Variants in WWOX observed in about 807,000 individuals in gnomAD.
WWOX encodes WW domain-containing oxidoreductase.
WWOX carries 69 observed loss-of-function variants against 46.2 expected under a neutral mutation model. That is an observed-to-expected ratio of 1.49 (90% CI 1.23 to 1.82). WWOX has a LOEUF of 1.82. Among genes scored for constraint, WWOX ranks in the 40% most tolerant of loss-of-function variants. WWOX has a pLI of 0.00. For synonymous variants in WWOX, 359 were observed against 202.6 expected (o/e 1.77, Z -6.56); for missense variants, 919 against 542.6 (o/e 1.69, Z -6.89).
rs369090114 is a variant in WWOX, at chr16:78,417,772, T to C, written c.606-7098T>C. On this transcript the variant is annotated intron_variant, in intron 6 of 8. Coordinates refer to ENST00000566780, the MANE Select transcript of WWOX (RefSeq NM_016373.4). ...GCTTCAAAGGATTTCTGCCTATCTC[T>C]TCACAGAGTAGCTGGGCTATTGAGG... Among the ~76,000 whole-genome samples the C allele has an allele frequency of 3.7e-4, 56 of 152,302 alleles. No homozygotes were observed. The South Asian group carries it at 0.011, about 29-fold the overall frequency.
intron 8 of WWOX, among the ~76,000 whole-genome samples, chr16:78,941,950 A>G (rs1461821417): frequency 6.6e-6 from 1 of 152,124 alleles, no homozygotes; most frequent in Non-Finnish European, 1.5e-5. Flanking sequence ...ATTGTGCTGT[A>G]TTCCGTAGGA....
intron 8 of WWOX, among the ~76,000 whole-genome samples, chr16:79,177,847 G>T (rs1331137819): frequency 6.6e-6 from 1 of 152,218 alleles, no homozygotes; most frequent in African/African-American, 2.4e-5. Context: ...CTTTGTTCAG[G>T]CTGCTATAAC....
intron 8 of WWOX, among the ~76,000 whole-genome samples, chr16:78,845,082 T>A (rs76362068): frequency 0.044 from 6,588 of 150,990 alleles, 179 homozygotes; most frequent in Non-Finnish European, 0.063. Context: ...AGGGTCGTTG[T>A]CTCCTCCTAT....
At chr16:78,713,093 G>C (rs566856606) in intron 8 of WWOX, among the ~76,000 whole-genome samples, 67 of 151,582 alleles carry the variant, frequency 4.4e-4, no homozygotes, top group African/African-American at 1.5e-3. Flanking sequence ...AACATAGGGA[G>C]ACCCTCATCT....
At chr16:78,393,757 T>A (rs889058580) in intron 6 of WWOX, among the ~76,000 whole-genome samples, 3 of 152,180 alleles carry the variant, frequency 2.0e-5, no homozygotes, top group Non-Finnish European at 4.4e-5. Flanking sequence ...TTTATGTCTC[T>A]TCTGAACTTT....
At chr16:79,142,945 C>G (rs1199142636) in intron 8 of WWOX, among the ~76,000 whole-genome samples, 3 of 152,134 alleles carry the variant, frequency 2.0e-5, no homozygotes, top group Non-Finnish European at 4.4e-5. Flanking sequence ...CTCAAGCCAC[C>G]AGCCTGCCTC....
At chr16:78,546,972 GA>G (rs925037134) in intron 8 of WWOX, among the ~76,000 whole-genome samples, 58 of 151,632 alleles carry the variant, frequency 3.8e-4, no homozygotes, top group Middle Eastern at 6.8e-3. Flanking sequence ...ACAAAAAATA[GA>G]AAAAATTAGC....
chr16:78,469,966 G>A (rs978662076), intron 8 of WWOX, among the ~76,000 whole-genome samples: 5 of 152,244 alleles, frequency 3.3e-5, no homozygotes, highest in African/African-American at 1.2e-4. Flanking sequence ...GTACGTTATT[G>A]AAGGTGATGC....
chr16:78,830,973 C>G (rs2051805002), intron 8 of WWOX, among the ~76,000 whole-genome samples: 1 of 152,148 alleles, frequency 6.6e-6, no homozygotes, highest in Admixed American at 6.5e-5. Flanking sequence ...ATTTGGAAAC[C>G]ATGTTCTTTT....
chr16:78,972,391 G>A (rs150936315), intron 8 of WWOX, among the ~76,000 whole-genome samples: 2 of 150,964 alleles, frequency 1.3e-5, no homozygotes, highest in Non-Finnish European at 2.9e-5. Flanking sequence ...ATCTTAATCA[G>A]ACATTATTTA....
rs1249511528 is a variant in WWOX at position 78,664,361 on chromosome 16, A to G, written c.1056+231609A>G. On this transcript the variant is annotated intron_variant, in intron 8 of 8. Coordinates refer to ENST00000566780, the MANE Select transcript of WWOX (RefSeq NM_016373.4). ...CCAGTTTATGTGTGCTGCGTGAGTG[A>G]TGTGGAATGACTGCCCACGTAGGAA... is the stretch of plus-strand genomic sequence containing the variant. Among the ~76,000 whole-genome samples the G allele has an allele frequency of 3.3e-5, 5 of 152,114 alleles. No individual in the cohort carries two copies. In the East Asian group the frequency reaches 7.8e-4, roughly 24 times the overall value.
chr16:78,773,935 T>A (rs559337513), intron 8 of WWOX, among the ~76,000 whole-genome samples: 1 of 152,200 alleles, frequency 6.6e-6, no homozygotes, highest in Non-Finnish European at 1.5e-5. Context: ...CCCAGGCCCT[T>A]CATGGAATTT....
intron 8 of WWOX, among the ~76,000 whole-genome samples, chr16:78,578,268 A>ATATATATG (rs1847791870): frequency 4.1e-5 from 1 of 24,476 alleles, no homozygotes; most frequent in African/African-American, 1.4e-4. Flanking sequence ...ATATATATAT[A>ATATATATG]TATATATATA....
intron 8 of WWOX, among the ~76,000 whole-genome samples, chr16:78,936,274 C>G (rs976609591): frequency 1.3e-5 from 2 of 152,128 alleles, no homozygotes; most frequent in African/African-American, 4.8e-5. Flanking sequence ...GCCTTCAACC[C>G]TTGGACAGAG....
intron 8 of WWOX, among the ~76,000 whole-genome samples, chr16:78,508,310 C>CTTTTTTTTTTTTTTTTTT (rs60281450): frequency 8.9e-6 from 1 of 112,770 alleles, no homozygotes; most frequent in African/African-American, 4.3e-5. Context: ...TGCGCCCGGC[C>CTTTTTTTTTTTTTTTTTT]TTTTTTTTTT....
chr16:78,287,248 C>T (rs1045574224), intron 5 of WWOX, among the ~76,000 whole-genome samples: 3 of 152,160 alleles, frequency 2.0e-5, no homozygotes, highest in Non-Finnish European at 4.4e-5. Flanking sequence ...GTTGTTTTTT[C>T]TTTTCTTTGA....
chr16:78,946,809 C>T lies in WWOX; in HGVS notation c.1057-264799C>T, dbSNP rs545192183. 5.3e-5 allele frequency among the ~76,000 whole-genome samples: 8 copies of T among 152,038 alleles called. No homozygotes were observed. The South Asian group carries it at 6.2e-4, about 12-fold the overall frequency. On this transcript the variant is annotated intron_variant, in intron 8 of 8. Transcript: ENST00000566780. ...AGCTCAGTGCAAGACAAGATTCTGGCGTAAGAACTGCGGTAGCAAGGACAA... is the reference window on the plus strand; with the variant it reads ...AGCTCAGTGCAAGACAAGATTCTGGTGTAAGAACTGCGGTAGCAAGGACAA...
chr16:78,634,885 T>C (rs953581599), intron 8 of WWOX, among the ~76,000 whole-genome samples: 5 of 151,024 alleles, frequency 3.3e-5, no homozygotes, highest in Non-Finnish European at 7.4e-5. Flanking sequence ...CGCGTGCATG[T>C]GTATACGCTG....
At chr16:78,110,107 C>T (rs1159552488) in intron 3 of WWOX, among the ~76,000 whole-genome samples, 2 of 150,528 alleles carry the variant, frequency 1.3e-5, no homozygotes, top group East Asian at 1.9e-4. Context: ...TTTGGGAGGT[C>T]GAAGTGGGTG....
Sources: gnomAD v4.1 joint callset for allele counts (sites outside exome capture counted in the v4.1 genomes callset) on GRCh38, gnomAD v4.1.1 for gene constraint, MANE v1.5 for transcripts, NCBI Gene and HGNC (gene_info 2026-07-23, HGNC 2026-07-21) for gene names.